MYH7B: variants seen among roughly 807,000 people sequenced by gnomAD.
MYH7B encodes myosin heavy chain 7B, also known as myosin-7B.
In MYH7B, 205 loss-of-function variants were observed where a neutral mutation model predicts 234.5. The ratio of observed to expected loss-of-function variants is 0.87; its 90% CI spans 0.78 to 0.98. The LOEUF (loss-of-function observed/expected upper bound fraction) is 0.98, where lower values mean the gene tolerates loss of function less well. Ranked by LOEUF, MYH7B falls within the 50% of genes least tolerant of loss-of-function variation. The pLI, the probability that MYH7B is intolerant of heterozygous loss-of-function variation, is 0.00. For missense variants in MYH7B, 2,652 were observed against 2,633.4 expected (o/e 1.01, Z -0.15); for synonymous variants, 1,193 against 1,105.0 (o/e 1.08, Z -1.58).
At chr20:34,981,095 G>T (rs1367312639) in intron 9 of MYH7B, 35 bp downstream of exon 9, 1 of 1,613,052 alleles carries the variant, frequency 6.2e-7, no homozygotes, top group Admixed American at 1.7e-5. Flanking sequence ...GGTGGAAAAT[G>T]CTGGCCATCT....
At chr20:35,000,640 A>C in exon 39 of MYH7B, 1 of 1,581,302 alleles carries the variant, frequency 6.3e-7, no homozygotes, top group Admixed American at 1.9e-5. Flanking sequence ...CGACTGGCAG[A>C]GCAGGAGCTT....
exon 32 of MYH7B, chr20:34,997,564 TGGAGAA>T (rs769254497): frequency 3.8e-5 from 62 of 1,612,866 alleles, no homozygotes; most frequent in African/African-American, 4.0e-5. Flanking sequence ...CGGCAGAAGC[TGGAGAA>T]GGAGAAGAGT....
At chr20:34,994,295 G>C in exon 27 of MYH7B, 1 of 1,611,336 alleles carries the variant, frequency 6.2e-7, no homozygotes, top group East Asian at 2.2e-5. Context: ...GAGCTGCGGG[G>C]GTTGCGAGGG....
chr20:34,991,353 C>T lies in MYH7B; in HGVS notation c.2183+232C>T, dbSNP rs559645740. Among the ~76,000 whole-genome samples the T allele has an allele frequency of 5.9e-5, 9 of 152,258 alleles. No individual in the cohort carries two copies. In the South Asian group the frequency reaches 6.2e-4, roughly 11 times the overall value. On this transcript the variant is annotated intron_variant, in intron 24 of 44. Transcript: ENST00000262873. ...TAGTGGAGGTGGAGCCTACAGGCCT[C>T]GCTGATAAGCTGGACATGGAATTCT...
In MYH7B at chr20:34,997,471, A is replaced by AG; in HGVS notation, c.3580dup (p.Ala1194GlyfsTer37). 1 of 1,523,318 alleles carries AG rather than the reference A, an allele frequency of 6.6e-7. No individual in the cohort carries two copies. Among genetic ancestry groups the AG allele is most frequent in the Non-Finnish European group, 8.8e-7 (1 of 1,137,394 alleles). The allele number at this position is 1,523,318 out of a possible 1,614,324, so 94.4% of individuals were successfully genotyped here. A position where few individuals can be genotyped will look rare whatever the true frequency, so the allele number is the denominator to read the frequency against. ...CTGGAGGAGGCGGCGCTGCGGCACG[A>AG]GGCCACAGTGGCGGCACTGCGGCGC... On this transcript the variant is annotated frameshift_variant, in exon 32 of 45. Transcript: ENST00000262873. LOFTEE classifies it high-confidence loss of function.
intron 3 of MYH7B, among the ~76,000 whole-genome samples, chr20:34,975,705 C>T (rs533221702): frequency 4.9e-4 from 75 of 152,172 alleles, no homozygotes; most frequent in Non-Finnish European, 9.4e-4. Context: ...TGATAAATAT[C>T]GCCAAGTTTG....
intron 10 of MYH7B, 105 bp from the exon 11 acceptor site, chr20:34,984,587 A>AC (rs1342432579): frequency 8.1e-6 from 8 of 990,508 alleles, no homozygotes; most frequent in East Asian, 2.5e-5. Flanking sequence ...GACTAACTCC[A>AC]CCCCCCTGTC....
chr20:34,996,944 T>G, intron 30 of MYH7B, 139 bp from the exon 31 acceptor site: 1 of 1,270,734 alleles, frequency 7.9e-7, no homozygotes, highest in Non-Finnish European at 1.1e-6. Context: ...GGTCCAGGGC[T>G]GAGGCCTCAG....
At chr20:34,956,063 A>C (rs1046803342) in intron 1 of MYH7B, 56 bp downstream of exon 1, 1 of 152,186 alleles carries the variant, frequency 6.6e-6, no homozygotes, top group Non-Finnish European at 1.5e-5. Context: ...AGATGGGGAA[A>C]CTAATGCTCA....
Position 34,993,257 on chromosome 20 carries a change from G to A in MYH7B, c.2307+32G>A, listed in dbSNP as rs1600457294. 5.6e-6 allele frequency: 9 copies of A among 1,614,010 alleles called. No individual in the cohort carries two copies. The East Asian group carries it at 1.6e-4, about 28-fold the overall frequency. ...GCACTGTGGGATCAGGGCTGGCCAT[G>A]GCTGTGGCGGTCACACTGGGCAGGG... is the stretch of plus-strand genomic sequence containing the variant. On this transcript the variant is annotated intron_variant, in intron 25 of 44. Coordinates refer to ENST00000262873, the Ensembl canonical transcript of MYH7B.
At position 35,000,461 on chromosome 20, in the gene MYH7B, G is replaced by A. The variant is rs367729039; in HGVS notation, c.4950G>A (p.Thr1650=). 45 of 1,601,852 alleles carry A rather than the reference G, an allele frequency of 2.8e-5. No homozygotes were observed. Among genetic ancestry groups the A allele is most frequent in the Middle Eastern group, 1.9e-4 (1 of 5,342 alleles). Residue 1650 remains threonine (T), a synonymous_variant, in exon 39 of 45, where the codon ACG becomes ACA. Transcript: ENST00000262873. ...AGGCCACAGAGGCCCAGGCTGCCAC[G>A]CGGCTGATGCAGGCACAGCTCAAGG...
chr20:34,957,635 G>A (rs573129261), intron 1 of MYH7B, among the ~76,000 whole-genome samples: 7 of 151,974 alleles, frequency 4.6e-5, no homozygotes, highest in East Asian at 3.9e-4. Context: ...GATTACAGGC[G>A]TCCACCACCA....
rs2082110642 is a variant in MYH7B, at chr20:34,989,957, C to T, written c.1767+38C>T. ...TGGAACCCCAGCCCTCGGCCAGGCT[C>T]CTCCCGCCCTGCTCCAGGTCTCCCA... On this transcript the variant is annotated intron_variant, in intron 20 of 44. Transcript: ENST00000262873. The T allele has an allele frequency of 8.7e-6, 14 of 1,612,992 alleles. No individual in the cohort carries two copies. The East Asian group carries it at 1.1e-4, about 13-fold the overall frequency.
chr20:34,980,643 C>T (rs375788764), exon 8 of MYH7B: 21 of 1,614,084 alleles, frequency 1.3e-5, no homozygotes, highest in Non-Finnish European at 1.6e-5. Flanking sequence ...ATACGGCCTC[C>T]GTAGTGGCTG....
intron 2 of MYH7B, among the ~76,000 whole-genome samples, chr20:34,968,910 G>A (rs548190613): frequency 6.6e-6 from 1 of 152,224 alleles, no homozygotes; most frequent in Non-Finnish European, 1.5e-5. Flanking sequence ...GCTTCTTGGG[G>A]TTGAGTGGTT....
intron 2 of MYH7B, among the ~76,000 whole-genome samples, chr20:34,971,123 C>T (rs1410043229): frequency 6.6e-6 from 1 of 152,166 alleles, no homozygotes; most frequent in Non-Finnish European, 1.5e-5. Flanking sequence ...TCAAGGTCTT[C>T]CGAAGTGAGA....
At chr20:34,986,505 C>T (rs578222094) in intron 14 of MYH7B, among the ~76,000 whole-genome samples, 1 of 152,360 alleles carries the variant, frequency 6.6e-6, no homozygotes, top group South Asian at 2.1e-4. Context: ...CCCAGCTCTC[C>T]TCTCTGGCAA....
At chr20:34,976,481 G>T (rs2081855554) in intron 3 of MYH7B, among the ~76,000 whole-genome samples, 1 of 152,198 alleles carries the variant, frequency 6.6e-6, no homozygotes, top group Non-Finnish European at 1.5e-5. Flanking sequence ...GCCCTGAATG[G>T]GGTGATGGAC....
chr20:34,984,629 C>A (rs902680255), intron 10 of MYH7B, 63 bp from the exon 11 acceptor site: 98 of 1,417,358 alleles, frequency 6.9e-5, no homozygotes, highest in Non-Finnish European at 8.3e-5. Flanking sequence ...TGATACCCTG[C>A]CCCACCCCGC....
Sources: allele counts gnomAD v4.1 joint callset (sites outside exome capture counted in the v4.1 genomes callset), GRCh38; gene constraint gnomAD v4.1.1; transcripts MANE v1.5; gene names NCBI Gene and HGNC (gene_info 2026-07-23, HGNC 2026-07-21).